The following KLHDC10 variants were observed in gnomAD, a reference collection of about 807,000 sequenced individuals.
KLHDC10 encodes the protein kelch domain containing 10.
In KLHDC10, 24 loss-of-function variants were observed where a neutral mutation model predicts 56.1. The observed-to-expected ratio is 0.43, with a 90% CI of 0.31 to 0.60. The LOEUF (loss-of-function observed/expected upper bound fraction) is 0.60. Ranked by LOEUF, KLHDC10 falls within the 20% of genes least tolerant of loss-of-function variation. The probability of loss-of-function intolerance (pLI) is 0.11; values close to 1 mark genes in which losing one functional copy is unlikely to be tolerated. For missense variants in KLHDC10, 349 were observed against 567.0 expected, an observed-to-expected ratio of 0.62 and a Z score of 3.91; for synonymous variants, 188 against 207.1, an observed-to-expected ratio of 0.91 and a Z score of 0.79.
At chr7:130,110,772 T>C (rs953546741) in intron 2 of KLHDC10, among the ~76,000 whole-genome samples, 31 of 152,212 alleles carry the variant, frequency 2.0e-4, no homozygotes, top group African/African-American at 7.0e-4. Flanking sequence ...AACTAATGAA[T>C]ACTTTTAATA....
At position 130,128,875 on chromosome 7, in the gene KLHDC10, T is replaced by TAAAAAAAAA. The variant is rs1164826285; in HGVS notation, c.980-555_980-547dup. On this transcript the variant is annotated intron_variant, in intron 8 of 9. Transcript: ENST00000335420. ...GGTAATATAGTGAGACCTTGTCTCT[T>TAAAAAAAAA]AAAAAAAAAAAAAAATATATATATA... Among the ~76,000 whole-genome samples, 79 of 42,268 alleles carry TAAAAAAAAA rather than the reference T, an allele frequency of 1.9e-3. 5 individuals carry two copies. Among genetic ancestry groups the TAAAAAAAAA allele is most frequent in the Non-Finnish European group, 2.2e-3 (56 of 25,124 alleles). The allele number at this position is 42,268 out of a possible 152,430, so 27.7% of individuals were successfully genotyped here.
chr7:130,098,121 A>G (rs1795876654), intron 2 of KLHDC10, among the ~76,000 whole-genome samples: 3 of 152,078 alleles, frequency 2.0e-5, no homozygotes, highest in Admixed American at 2.0e-4. Flanking sequence ...CAGAGCATGC[A>G]TAAAATCAAC....
Position 130,132,447 on chromosome 7 carries a change from G to C in KLHDC10, c.*1701G>C, listed in dbSNP as rs1421395573. 2 of 152,170 alleles carry C rather than the reference G, an allele frequency of 1.3e-5. No individual in the cohort carries two copies. Among genetic ancestry groups the C allele is most frequent in the Non-Finnish European group, 1.5e-5 (1 of 68,034 alleles). The allele number at this position is 152,170 out of a possible 1,614,324, so 9.4% of individuals were successfully genotyped here. ...AACCGTAGCCTCCAGACATGCTCCT[G>C]ATTTCTAGGCCTTATCATACCATCC... On this transcript the variant is annotated 3_prime_UTR_variant, in exon 10 of 10. Transcript: ENST00000335420.
At chr7:130,109,862 C>T (rs1796076971) in intron 2 of KLHDC10, among the ~76,000 whole-genome samples, 2 of 152,170 alleles carry the variant, frequency 1.3e-5, no homozygotes, top group South Asian at 2.1e-4. Context: ...TGGTCTCAAA[C>T]TCCTGACCTC....
chr7:130,087,473 A>T (rs1795707174), intron 1 of KLHDC10, among the ~76,000 whole-genome samples: 1 of 152,130 alleles, frequency 6.6e-6, no homozygotes, highest in African/African-American at 2.4e-5. Context: ...TTAAAGCGTC[A>T]TAAGGCATAA....
chr7:130,127,216 A>G (rs908462207), intron 7 of KLHDC10, among the ~76,000 whole-genome samples, 188 bp from the exon 8 acceptor site: 13 of 152,340 alleles, frequency 8.5e-5, no homozygotes, highest in African/African-American at 2.9e-4. Context: ...TTAGCATTGT[A>G]CTGTTATGAT....
At chr7:130,101,749 T>A (rs1795932742) in intron 2 of KLHDC10, among the ~76,000 whole-genome samples, 1 of 151,850 alleles carries the variant, frequency 6.6e-6, no homozygotes, top group African/African-American at 2.4e-5. Context: ...AGTGGGCAGA[T>A]CACGAGGTCA....
At position 130,076,465 on chromosome 7, in the gene KLHDC10, T is replaced by G. The variant is rs112413273; in HGVS notation, c.166+5656T>G. Among the ~76,000 whole-genome samples the G allele has an allele frequency of 8.5e-3, 1,288 of 152,328 alleles. 20 individuals are homozygous for G. The highest frequency in any genetic ancestry group is 0.029 in the African/African-American group (1,221 of 41,578). On this transcript the variant is annotated intron_variant, in intron 1 of 9. Coordinates refer to ENST00000335420, the MANE Select transcript of KLHDC10 (RefSeq NM_014997.4). Reference sequence around the variant, plus strand: ...CAGAAATTAAATGTTTTAAATGTTTTGTTGTGAAATTTATCAGTCTTTTCA... The same window carrying G: ...CAGAAATTAAATGTTTTAAATGTTTGGTTGTGAAATTTATCAGTCTTTTCA...
At position 130,120,648 on chromosome 7, in the gene KLHDC10, A is replaced by G; in HGVS notation, c.476-101A>G. On this transcript the variant is annotated intron_variant, in intron 3 of 9. Transcript: ENST00000335420. This position sits in a 1 kb window ranked among gnomAD's most constrained non-coding sequence, Gnocchi z 5.1. ...GTGGTTTGAGCTATCTTATGAGATCATTAAAGCAGATATGTGTAGCTTCTC... is the reference window on the plus strand; with the variant it reads ...GTGGTTTGAGCTATCTTATGAGATCGTTAAAGCAGATATGTGTAGCTTCTC... The G allele has an allele frequency of 7.8e-7, 1 of 1,274,540 alleles. No individual in the cohort carries two copies. Among genetic ancestry groups the G allele is most frequent in the Non-Finnish European group, 1.1e-6 (1 of 898,824 alleles). The allele number at this position is 1,274,540 out of a possible 1,614,324, so 79.0% of individuals were successfully genotyped here.
chr7:130,075,653 G>A (rs945926163), intron 1 of KLHDC10, among the ~76,000 whole-genome samples: 14 of 152,184 alleles, frequency 9.2e-5, no homozygotes, highest in African/African-American at 3.4e-4. Flanking sequence ...TTTTGCACAT[G>A]AGAGAGTCTT....
Position 130,128,889 on chromosome 7 carries a change from AATATAT to A in KLHDC10, c.980-522_980-517del, listed in dbSNP as rs1554468213. Among the ~76,000 whole-genome samples, 36 of 66,944 alleles carry A rather than the reference AATATAT, an allele frequency of 5.4e-4. 1 individual carries two copies. The highest frequency in any genetic ancestry group is 8.3e-3 in the Middle Eastern group (1 of 120). 43.9% of individuals were successfully genotyped at this position (66,944 alleles called of 152,430 possible). On this transcript the variant is annotated intron_variant, in intron 8 of 9. Transcript: ENST00000335420. ...ACCTTGTCTCTTAAAAAAAAAAAAA[AATATAT>A]ATATATATATATATATATATATATA... is the stretch of plus-strand genomic sequence containing the variant.
Position 130,102,477 on chromosome 7 carries a change from CAG to C in KLHDC10, c.253+5472_253+5473del, listed in dbSNP as rs537869346. Among the ~76,000 whole-genome samples the C allele has an allele frequency of 5.3e-5, 8 of 152,238 alleles. 1 individual carries two copies. The East Asian group carries it at 1.5e-3, about 29-fold the overall frequency. The stretch of plus-strand genomic sequence containing the variant: ...GTGGAACTTGAGGAAGTTCTAATCA[CAG>C]AATGTATCTTTACAGAGCCAAGAGT... On this transcript the variant is annotated intron_variant, in intron 2 of 9. Transcript: ENST00000335420.
intron 2 of KLHDC10, among the ~76,000 whole-genome samples, chr7:130,110,034 A>G (rs1223440101): frequency 1.3e-5 from 2 of 152,190 alleles, no homozygotes; most frequent in Non-Finnish European, 2.9e-5. Context: ...ACAGTTTCTC[A>G]GCGTTTGTCT....
chr7:130,072,498 C>G (rs75016097), intron 1 of KLHDC10, among the ~76,000 whole-genome samples: 1 of 152,196 alleles, frequency 6.6e-6, no homozygotes, highest in Non-Finnish European at 1.5e-5. Flanking sequence ...CTTTTTTCTG[C>G]TTCCCTTTTC....
chr7:130,129,314 C>T lies in KLHDC10; in HGVS notation c.980-123C>T, dbSNP rs1796364332. 7 of 1,045,458 alleles carry T rather than the reference C, an allele frequency of 6.7e-6. No individual in the cohort carries two copies. The East Asian group carries it at 1.7e-4, about 25-fold the overall frequency. The allele number at this position is 1,045,458 out of a possible 1,614,324, so 64.8% of individuals were successfully genotyped here. On this transcript the variant is annotated intron_variant, in intron 8 of 9. Transcript: ENST00000335420. ...TGAGAGGCTGCACAGCAGAAGTCGT[C>T]TGTGTCATGGGGCAATCCACTTCAC...
At chr7:130,117,118 CTT>C (rs1796178884) in intron 3 of KLHDC10, among the ~76,000 whole-genome samples, 8 of 152,208 alleles carry the variant, frequency 5.3e-5, no homozygotes, top group Admixed American at 5.2e-4. Context: ...GCACTAGTCT[CTT>C]TCATGTGCAA....
At chr7:130,114,900 G>A (rs1796146561) in intron 2 of KLHDC10, among the ~76,000 whole-genome samples, 1 of 152,120 alleles carries the variant, frequency 6.6e-6, no homozygotes, top group East Asian at 1.9e-4. Context: ...GAAACTGACA[G>A]TAGGACAAGG....
At position 130,129,430 on chromosome 7, in the gene KLHDC10, T is replaced by G; in HGVS notation, c.980-7T>G. 6.2e-7 allele frequency: 1 copy of G among 1,613,300 alleles called. No homozygotes were observed. Among genetic ancestry groups the G allele is most frequent in the Non-Finnish European group, 8.5e-7 (1 of 1,179,850 alleles). On this transcript the variant is annotated splice_polypyrimidine_tract_variant and splice_region_variant and intron_variant, in intron 8 of 9. Transcript: ENST00000335420. Reference sequence around the variant, plus strand: ...TGTGTGATCTTGGCTTTCTCTTTTCTTCATAGATGTATTTATTTGTGGGGG... The same window carrying G: ...TGTGTGATCTTGGCTTTCTCTTTTCGTCATAGATGTATTTATTTGTGGGGG...
At chr7:130,117,133 G>A (rs1441993658) in intron 3 of KLHDC10, among the ~76,000 whole-genome samples, 2 of 152,126 alleles carry the variant, frequency 1.3e-5, no homozygotes, top group Non-Finnish European at 2.9e-5. Context: ...ATGTGCAATA[G>A]CATTATCTCT....
Sources: allele counts gnomAD v4.1 joint callset (sites outside exome capture counted in the v4.1 genomes callset), GRCh38; gene constraint gnomAD v4.1.1; non-coding constraint Gnocchi (gnomAD v3.1); transcripts MANE v1.5; gene names NCBI Gene and HGNC (gene_info 2026-07-23, HGNC 2026-07-21).